The following PARD3 variants were observed in gnomAD, a reference collection of about 807,000 sequenced individuals.
PARD3 encodes the protein partitioning defective 3 homolog.
PARD3 carries 75 observed loss-of-function variants against 155.4 expected under a neutral mutation model. The observed-to-expected ratio is 0.48, with a 90% confidence interval of 0.40 to 0.58. The LOEUF (loss-of-function observed/expected upper bound fraction) is 0.58, where lower values mean the gene tolerates loss of function less well. Ranked by LOEUF, PARD3 falls within the 20% of genes least tolerant of loss-of-function variation. The probability of loss-of-function intolerance (pLI) is 0.00; values close to 1 mark genes in which losing one functional copy is unlikely to be tolerated. For missense variants in PARD3, 1,642 were observed against 1,721.7 expected, an observed-to-expected ratio of 0.95 and a Z score of 0.82; for synonymous variants, 576 against 610.5, an observed-to-expected ratio of 0.94 and a Z score of 0.83.
chr10:34,590,425 G>T (rs1320867564), intron 2 of PARD3, among the ~76,000 whole-genome samples: 1 of 152,304 alleles, frequency 6.6e-6, no homozygotes, highest in East Asian at 1.9e-4. Flanking sequence ...AAAGGACAGA[G>T]AAAAGACATA....
Position 34,173,208 on chromosome 10 carries a change from G to T in PARD3, c.3420-41625C>A, listed in dbSNP as rs867285649. Among the ~76,000 whole-genome samples, 29 of 152,178 alleles carry T rather than the reference G, an allele frequency of 1.9e-4. 1 individual carries two copies. Among genetic ancestry groups the T allele is most frequent in the African/African-American group, 6.0e-4 (25 of 41,432 alleles). On this transcript the variant is annotated intron_variant, in intron 22 of 24. Coordinates refer to ENST00000374788, the MANE Select transcript of PARD3 (RefSeq NM_001184785.2). ...TCCTTCCGAAAAACCCCGAAGTCTT[G>T]CAACATGGCTTCCTGGTTGACTGTG...
intron 22 of PARD3, among the ~76,000 whole-genome samples, chr10:34,196,976 T>C (rs1950974097): frequency 6.6e-6 from 1 of 152,176 alleles, no homozygotes; most frequent in Non-Finnish European, 1.5e-5. Context: ...GCTTTGTCTG[T>C]CCATCCACCT....
At chr10:34,443,434 T>C (rs2076571635) in intron 5 of PARD3, among the ~76,000 whole-genome samples, 2 of 152,126 alleles carry the variant, frequency 1.3e-5, no homozygotes, top group African/African-American at 4.8e-5. Flanking sequence ...GACTGGGCAA[T>C]TTACAAAAGG....
chr10:34,227,553 G>C (rs574003891), intron 22 of PARD3, among the ~76,000 whole-genome samples: 1 of 152,272 alleles, frequency 6.6e-6, no homozygotes, highest in Admixed American at 6.5e-5. Flanking sequence ...CAAGAGAAGC[G>C]CTTGAACCCG....
chr10:34,378,056 C>T lies in PARD3; in HGVS notation c.1450G>A (p.Gly484Ser). The T allele has an allele frequency of 6.3e-7, 1 of 1,597,174 alleles. No homozygotes were observed. Among genetic ancestry groups the T allele is most frequent in the Non-Finnish European group, 8.5e-7 (1 of 1,173,152 alleles). Residue 484 changes from glycine to serine, a missense_variant, in exon 10 of 25, where the codon GGC (glycine) becomes AGC (serine). Physicochemically the swap from Gly to Ser is moderately conservative, Grantham distance 56 (BLOSUM62 0). Around this residue, in one of 3 missense-constraint regions of PARD3, gnomAD observed 1,529 missense variants for 1,587.3 expected, o/e 0.96. Transcript: ENST00000374788. ...SITSRDVTIG[G>S]SAPIYVKNIL... The stretch of plus-strand genomic sequence containing the variant: ...TTTTTCACATAGATTGGAGCTGAGC[C>T]ACCTATTGTTACATCTCTGGAAGTG...
chr10:34,691,329 C>A (rs975280996), intron 2 of PARD3, among the ~76,000 whole-genome samples: 1 of 152,194 alleles, frequency 6.6e-6, no homozygotes, highest in Non-Finnish European at 1.5e-5. Context: ...ATCAGAAACA[C>A]AATCCCATTC....
rs1454233618 is a variant in PARD3, at chr10:34,399,354, A to G, written c.866T>C (p.Val289Ala). The G allele has an allele frequency of 1.2e-6, 2 of 1,610,514 alleles. No homozygotes were observed. The highest frequency in any genetic ancestry group is 1.1e-5 in the South Asian group (1 of 91,022). ...CCTGCCGCCTCGAGCACTGAAAGGCACTACGTGGATTCCCAGAGGCCCTCC... is the reference window on the plus strand; with the variant it reads ...CCTGCCGCCTCGAGCACTGAAAGGCGCTACGTGGATTCCCAGAGGCCCTCC... ...NDGGPLGIHV[V>A]PFSARGGRTL... The change falls in exon 7 of 25, where the codon GTG becomes GCG. Residue 289 changes from valine (V) to alanine (A), a missense_variant. Physicochemically the swap from Val to Ala is moderately conservative, Grantham distance 64. This residue lies in a region of PARD3 where 1,529 missense variants were observed against 1,587.3 expected (regional missense o/e 0.96). Coordinates refer to ENST00000374788, the MANE Select transcript of PARD3 (RefSeq NM_001184785.2).
In PARD3 at chr10:34,245,461, G is replaced by A. The variant is rs549361445; in HGVS notation, c.3419+24196C>T. Among the ~76,000 whole-genome samples, 3 of 125,760 alleles carry A rather than the reference G, an allele frequency of 2.4e-5. No homozygotes were observed. The South Asian group carries it at 9.2e-4, about 39-fold the overall frequency. 82.5% of individuals were successfully genotyped at this position (125,760 alleles called of 152,430 possible). ...TGGAGAGGGTGAGTGAGGCCACCCTGACTAGAATTTAGAAAGGTAACAGAC... is the reference window on the plus strand; with the variant it reads ...TGGAGAGGGTGAGTGAGGCCACCCTAACTAGAATTTAGAAAGGTAACAGAC... On this transcript the variant is annotated intron_variant, in intron 22 of 24. Coordinates refer to ENST00000374788, the MANE Select transcript of PARD3 (RefSeq NM_001184785.2).
intron 12 of PARD3, among the ~76,000 whole-genome samples, chr10:34,361,308 C>T (rs1839414561): frequency 1.3e-5 from 2 of 152,196 alleles, no homozygotes; most frequent in African/African-American, 4.8e-5. Flanking sequence ...TCCTCTTTTC[C>T]CACGTTTGAA....
intron 21 of PARD3, among the ~76,000 whole-genome samples, chr10:34,277,572 A>T (rs564073263): frequency 1.3e-5 from 2 of 152,278 alleles, no homozygotes; most frequent in Admixed American, 6.5e-5. Flanking sequence ...CCTGAAAAAA[A>T]TTTTCTTGAG....
At chr10:34,261,847 C>CAA (rs1234017943) in intron 22 of PARD3, among the ~76,000 whole-genome samples, 2,280 of 131,092 alleles carry the variant, frequency 0.017, 40 homozygotes, top group African/African-American at 0.032. Flanking sequence ...CAAACAAACA[C>CAA]ACACACACTG....
chr10:34,720,067 T>C (rs763103780), intron 1 of PARD3, among the ~76,000 whole-genome samples: 7 of 152,208 alleles, frequency 4.6e-5, no homozygotes, highest in Non-Finnish European at 8.8e-5. Flanking sequence ...GTGCAGGGTA[T>C]GTTAGGATAC....
At chr10:34,655,352 C>T (rs2093136683) in intron 2 of PARD3, among the ~76,000 whole-genome samples, 1 of 152,080 alleles carries the variant, frequency 6.6e-6, no homozygotes, top group Admixed American at 6.5e-5. Context: ...TATTAGTTCA[C>T]ATTGATTTGT....
intron 22 of PARD3, among the ~76,000 whole-genome samples, chr10:34,240,701 T>C (rs996696255): frequency 6.6e-6 from 1 of 152,146 alleles, no homozygotes; most frequent in Non-Finnish European, 1.5e-5. Context: ...CTGGTGGAGA[T>C]GTCTTCTTGG....
rs528325415 is a variant in PARD3 at position 34,577,610 on chromosome 10, T to C, written c.223-60451A>G. 3.3e-5 allele frequency among the ~76,000 whole-genome samples: 5 copies of C among 152,308 alleles called. No homozygotes were observed. In the South Asian group the frequency reaches 1.0e-3, roughly 32 times the overall value. On this transcript the variant is annotated intron_variant, in intron 2 of 24. Transcript: ENST00000374788. ...ACACCTTTCCTTCTGTCTAAATCCA[T>C]CATTCTATCACTATCGTAAAATGAG...
chr10:34,513,707 C>T (rs7100998), intron 3 of PARD3, among the ~76,000 whole-genome samples: 17,662 of 152,210 alleles, frequency 0.12, 1,614 homozygotes, highest in African/African-American at 0.26. Context: ...AAATGTTTCT[C>T]AAGTTTTAAG....
chr10:34,645,724 G>A (rs1471689242), intron 2 of PARD3, among the ~76,000 whole-genome samples: 3 of 152,172 alleles, frequency 2.0e-5, no homozygotes, highest in African/African-American at 7.2e-5. Context: ...ATCTCTGCAG[G>A]TGCCTGTTCT....
chr10:34,260,296 T>C (rs1954889792), intron 22 of PARD3, among the ~76,000 whole-genome samples: 1 of 152,176 alleles, frequency 6.6e-6, no homozygotes, highest in South Asian at 2.1e-4. Context: ...TTTTAAACAG[T>C]ATGGTAGACA....
At chr10:34,163,161 A>G (rs942694809) in intron 22 of PARD3, among the ~76,000 whole-genome samples, 9 of 152,186 alleles carry the variant, frequency 5.9e-5, no homozygotes, top group African/African-American at 2.2e-4. Flanking sequence ...TAGGACTTAG[A>G]GTGGCCACCA....
Sources: gnomAD v4.1 joint callset for allele counts (sites outside exome capture counted in the v4.1 genomes callset) on GRCh38, gnomAD v4.1.1 for gene constraint, gnomAD v4.1.1 regional missense constraint, MANE v1.5 for transcripts, NCBI Gene and HGNC (gene_info 2026-07-23, HGNC 2026-07-21) for gene names.